KIF3A: variants seen among roughly 807,000 people sequenced by gnomAD.
KIF3A encodes kinesin family member 3A, also known as kinesin-like protein KIF3A.
In KIF3A, 27 loss-of-function variants were observed where a neutral mutation model predicts 92.6. That is an observed-to-expected ratio of 0.29 (90% CI 0.21 to 0.40). The LOEUF (loss-of-function observed/expected upper bound fraction) is 0.40, where lower values mean the gene tolerates loss of function less well. Among genes scored for constraint, KIF3A ranks in the 10% least tolerant of loss-of-function variants. The probability of loss-of-function intolerance (pLI) is 1.00; values close to 1 mark genes in which losing one functional copy is unlikely to be tolerated. For synonymous variants in KIF3A, 250 were observed against 275.4 expected (o/e 0.91, Z 0.92); for missense variants, 581 against 872.6 (o/e 0.67, Z 4.21).
At chr5:132,701,142 A>T (rs1211713078) in intron 15 of KIF3A, among the ~76,000 whole-genome samples, 1 of 152,150 alleles carries the variant, frequency 6.6e-6, no homozygotes, top group East Asian at 1.9e-4. Context: ...AAAAAAAAAA[A>T]AAATGACTAA....
intron 15 of KIF3A, 26 bp from the exon 16 acceptor site, chr5:132,700,726 AT>A: frequency 7.0e-7 from 1 of 1,420,098 alleles, no homozygotes; most frequent in Non-Finnish European, 9.9e-7. Flanking sequence ...AAGATAGCCT[AT>A]TTTTAATATT....
intron 4 of KIF3A, among the ~76,000 whole-genome samples, chr5:132,724,807 ATATATATATATATATATAT>A (rs1269391935): frequency 3.3e-5 from 1 of 30,108 alleles, no homozygotes. Context: ...AAAAAAAAAA[ATATATATATATATATATAT>A]ATATATATAT....
At chr5:132,720,859 T>C (rs983114722) in intron 4 of KIF3A, 145 bp from the exon 5 acceptor site, 7 of 507,968 alleles carry the variant, frequency 1.4e-5, no homozygotes, top group South Asian at 1.2e-4. Flanking sequence ...GAGATGTCTA[T>C]AGGAAGAACA....
At chr5:132,734,630 C>T in intron 1 of KIF3A, 152 bp from the exon 2 acceptor site, 1 of 638,914 alleles carries the variant, frequency 1.6e-6, no homozygotes, top group Non-Finnish European at 2.6e-6. Context: ...AATTAAAGAT[C>T]TTACATATAG....
chr5:132,689,628 C>A (rs1752616495), downstream of KIF3A: 1 of 152,170 alleles, frequency 6.6e-6, no homozygotes, highest in South Asian at 2.1e-4. Context: ...ATAGGATGGA[C>A]AATGTCTTCA....
chr5:132,693,543 G>A lies in KIF3A; in HGVS notation c.*3091C>T, dbSNP rs999717937. 4 of 152,536 alleles carry A rather than the reference G, an allele frequency of 2.6e-5. No homozygotes were observed. Among genetic ancestry groups the A allele is most frequent in the African/African-American group, 7.3e-5 (3 of 41,362 alleles). The allele number at this position is 152,536 out of a possible 1,614,324, so 9.4% of individuals were successfully genotyped here. A position where few individuals can be genotyped will look rare whatever the true frequency, so the allele number is the denominator to read the frequency against. ...ATGAGCAAGTGTGTTCATCTATATC[G>A]TCTCACGAAATTAACACTGACCTTA... On this transcript the variant is annotated 3_prime_UTR_variant, in exon 19 of 19. Coordinates refer to ENST00000403231, the MANE Select transcript of KIF3A (RefSeq NM_001300791.2).
chr5:132,700,314 A>C, intron 16 of KIF3A, 30 bp from the exon 17 acceptor site: 2 of 1,313,146 alleles, frequency 1.5e-6, no homozygotes, highest in Non-Finnish European at 2.2e-6. Flanking sequence ...GAGACAGAGA[A>C]ATGTCTTAAT....
rs1462420190 is a variant in KIF3A at position 132,706,421 on chromosome 5, C to A, written c.1309+30G>T. The A allele has an allele frequency of 4.0e-6, 6 of 1,505,650 alleles. No individual in the cohort carries two copies. In the African/African-American group the frequency reaches 4.3e-5, roughly 11 times the overall value. The allele number at this position is 1,505,650 out of a possible 1,614,324, so 93.3% of individuals were successfully genotyped here. On this transcript the variant is annotated intron_variant, in intron 11 of 18. Coordinates refer to ENST00000403231, the MANE Select transcript of KIF3A (RefSeq NM_001300791.2). ...GTTCTTTATAGGATAAATAATTGTA[C>A]CATGTGGAGTGCAAATCAATCACAC...
intron 1 of KIF3A, among the ~76,000 whole-genome samples, chr5:132,735,668 A>T (rs1754368178): frequency 6.6e-6 from 1 of 152,148 alleles, no homozygotes; most frequent in African/African-American, 2.4e-5. Context: ...CTGCCTCCTA[A>T]CTATACTCCT....
chr5:132,690,355 C>T (rs940366183), downstream of KIF3A, among the ~76,000 whole-genome samples: 2 of 152,160 alleles, frequency 1.3e-5, no homozygotes, highest in African/African-American at 4.8e-5. Flanking sequence ...CGCACCACTG[C>T]ACTCACGCCT....
At chr5:132,723,874 G>A (rs1440405338) in intron 4 of KIF3A, 1 of 152,144 alleles carries the variant, frequency 6.6e-6, no homozygotes, top group Non-Finnish European at 1.5e-5. Flanking sequence ...CCTACAGAAT[G>A]GGAGAACATT....
At chr5:132,737,305 GCCCCA>G in intron 1 of KIF3A, 104 bp downstream of exon 1, 1 of 1,289,530 alleles carries the variant, frequency 7.8e-7, no homozygotes, top group Non-Finnish European at 1.1e-6. Context: ...AGCCTGCCCC[GCCCCA>G]CCCAGGCCGC....
intron 7 of KIF3A, 72 bp from the exon 8 acceptor site, chr5:132,716,003 T>G (rs560077469): frequency 7.1e-6 from 8 of 1,131,412 alleles, no homozygotes; most frequent in South Asian, 1.5e-5. Context: ...CCATTACAAA[T>G]ACATCAAAAA....
chr5:132,720,072 C>A (rs1219187567), intron 5 of KIF3A, among the ~76,000 whole-genome samples: 2 of 151,722 alleles, frequency 1.3e-5, no homozygotes, highest in African/African-American at 4.8e-5. Flanking sequence ...AAACTCCTGG[C>A]CTCAAATGAT....
At chr5:132,691,025 C>T (rs142954512), downstream of KIF3A, among the ~76,000 whole-genome samples, 542 of 152,308 alleles carry the variant, frequency 3.6e-3, 3 homozygotes, top group African/African-American at 0.012. Flanking sequence ...CTGCCAGTCA[C>T]AGTGCCTGGT....
At chr5:132,730,777 G>T (rs1754201836) in intron 2 of KIF3A, among the ~76,000 whole-genome samples, 1 of 152,072 alleles carries the variant, frequency 6.6e-6, no homozygotes, top group Non-Finnish European at 1.5e-5. Context: ...CTGGTCGACA[G>T]AGTGAGACCC....
Position 132,696,313 on chromosome 5 carries a change from T to C in KIF3A, c.*321A>G, listed in dbSNP as rs895816291. ...TTCTAGTTACCTAAATATACAGTAG[T>C]TGGATAAATAGCTAATCGATTTACA... On this transcript the variant is annotated 3_prime_UTR_variant, in exon 19 of 19. Coordinates refer to ENST00000403231, the MANE Select transcript of KIF3A (RefSeq NM_001300791.2). 7 of 184,808 alleles carry C rather than the reference T, an allele frequency of 3.8e-5. No individual in the cohort carries two copies. Among genetic ancestry groups the C allele is most frequent in the Non-Finnish European group, 6.7e-5 (6 of 89,678 alleles). 11.4% of individuals were successfully genotyped at this position (184,808 alleles called of 1,614,324 possible). A position where few individuals can be genotyped will look rare whatever the true frequency, so the allele number is the denominator to read the frequency against.
chr5:132,717,741 GT>G (rs1020877302), intron 5 of KIF3A, among the ~76,000 whole-genome samples: 2 of 148,068 alleles, frequency 1.4e-5, no homozygotes, highest in Admixed American at 6.7e-5. Flanking sequence ...ACCTGTATTA[GT>G]TTTTTTCTTA....
intron 8 of KIF3A, among the ~76,000 whole-genome samples, chr5:132,712,241 T>C (rs1238127902): frequency 6.6e-6 from 1 of 152,156 alleles, no homozygotes; most frequent in Non-Finnish European, 1.5e-5. Flanking sequence ...GATTCTAAGA[T>C]TGGGCAAGGA....
Sources: allele counts gnomAD v4.1 joint callset (sites outside exome capture counted in the v4.1 genomes callset), GRCh38; gene constraint gnomAD v4.1.1; transcripts MANE v1.5; gene names NCBI Gene and HGNC (gene_info 2026-07-23, HGNC 2026-07-21).